CSMD1: variants seen among roughly 807,000 people sequenced by gnomAD.
CSMD1 encodes CUB and Sushi multiple domains 1, also known as CUB and sushi domain-containing protein 1.
In CSMD1, 213 loss-of-function variants were observed where a neutral mutation model predicts 417.5. That is an observed-to-expected ratio of 0.51 (90% confidence interval 0.46 to 0.57). The LOEUF (loss-of-function observed/expected upper bound fraction) is 0.57. Ranked by LOEUF, CSMD1 falls within the 20% of genes least tolerant of loss-of-function variation. CSMD1 has a pLI of 0.00. For synonymous variants in CSMD1, 2,862 were observed against 1,736.8 expected (o/e 1.65, Z -16.11); for missense variants, 6,923 against 4,529.7 (o/e 1.53, Z -15.17).
intron 5 of CSMD1, among the ~76,000 whole-genome samples, chr8:3,874,848 C>A (rs962472114): frequency 6.6e-6 from 1 of 152,016 alleles, no homozygotes; most frequent in Non-Finnish European, 1.5e-5. Context: ...GATGAATAAA[C>A]CCATTAAGAA....
chr8:4,048,439 A>G (rs1010526156), intron 3 of CSMD1, among the ~76,000 whole-genome samples: 1 of 152,168 alleles, frequency 6.6e-6, no homozygotes, highest in Non-Finnish European at 1.5e-5. Context: ...GAACTCTCCT[A>G]TTTTCCCAAC....
chr8:3,147,517 A>T (rs11136584), intron 40 of CSMD1, among the ~76,000 whole-genome samples: 1 of 152,074 alleles, frequency 6.6e-6, no homozygotes, highest in Non-Finnish European at 1.5e-5. Context: ...TTCATTTCCT[A>T]CTTCAGCTGG....
intron 1 of CSMD1, among the ~76,000 whole-genome samples, chr8:4,754,868 G>A (rs1247904022): frequency 5.3e-5 from 8 of 151,918 alleles, no homozygotes. Flanking sequence ...GATGAGTGTG[G>A]TGGTTCACAC....
Position 4,092,845 on chromosome 8 carries a change from G to A in CSMD1, c.416-60746C>T, listed in dbSNP as rs528271047. Among the ~76,000 whole-genome samples the A allele has an allele frequency of 8.5e-4, 130 of 152,068 alleles. 1 individual carries two copies. Among genetic ancestry groups the A allele is most frequent in the Non-Finnish European group, 1.2e-4 (8 of 67,990 alleles). On this transcript the variant is annotated intron_variant, in intron 3 of 69. Coordinates refer to ENST00000635120, the MANE Select transcript of CSMD1 (RefSeq NM_033225.6). ...TTGTTTTGATCAAAGCACTTTGCTG[G>A]TTGAATAATCATTATAAGTAGAATT...
rs577122741 is a variant in CSMD1, at chr8:4,281,675, C to G, written c.415+138278G>C. On this transcript the variant is annotated intron_variant, in intron 3 of 69. Coordinates refer to ENST00000635120, the MANE Select transcript of CSMD1 (RefSeq NM_033225.6). ...GACATATAATTCTATATAGTAACAT[C>G]TGTATGTGATAACATATACATACAA... Among the ~76,000 whole-genome samples the G allele has an allele frequency of 5.3e-4, 81 of 152,180 alleles. 1 individual carries two copies. In the South Asian group the frequency reaches 0.015, roughly 29 times the overall value.
intron 10 of CSMD1, among the ~76,000 whole-genome samples, chr8:3,516,429 G>A (rs550942341): frequency 1.2e-4 from 18 of 152,264 alleles, no homozygotes; most frequent in East Asian, 1.9e-4. Flanking sequence ...TTTCAAAATC[G>A]TCTAGCCAGG....
At chr8:3,230,257 C>T (rs375260265) in intron 26 of CSMD1, 26 bp from the exon 27 acceptor site, 1 of 1,526,596 alleles carries the variant, frequency 6.6e-7, no homozygotes, top group Non-Finnish European at 8.8e-7. Context: ...AAGGCAAGGT[C>T]ACAGGCTGGA....
intron 2 of CSMD1, among the ~76,000 whole-genome samples, chr8:4,448,680 G>C (rs928712981): frequency 2.6e-5 from 4 of 152,126 alleles, no homozygotes; most frequent in African/African-American, 9.7e-5. Context: ...CTTCTCAGTA[G>C]GAAAGGTCAT....
intron 1 of CSMD1, among the ~76,000 whole-genome samples, chr8:4,939,134 T>G (rs1347769205): frequency 6.6e-6 from 1 of 152,230 alleles, no homozygotes; most frequent in Admixed American, 6.5e-5. Flanking sequence ...CAGAAGCTTT[T>G]TAGTTTGATG....
intron 3 of CSMD1, among the ~76,000 whole-genome samples, chr8:4,244,722 C>A (rs546662739): frequency 6.6e-6 from 1 of 151,892 alleles, no homozygotes; most frequent in Admixed American, 6.6e-5. Flanking sequence ...ACTCAGTTAC[C>A]TCAATGGAAT....
At chr8:3,078,824 A>G (rs983911019) in intron 49 of CSMD1, among the ~76,000 whole-genome samples, 3 of 152,148 alleles carry the variant, frequency 2.0e-5, no homozygotes, top group Non-Finnish European at 4.4e-5. Context: ...TCTGCTTGAC[A>G]GCCAACCAAT....
chr8:4,261,114 G>C (rs1288568853), intron 3 of CSMD1, among the ~76,000 whole-genome samples: 3 of 152,156 alleles, frequency 2.0e-5, no homozygotes, highest in East Asian at 3.8e-4. Context: ...ATTTACACAT[G>C]TCTGTGTTTG....
intron 5 of CSMD1, among the ~76,000 whole-genome samples, chr8:3,913,420 T>A (rs932367538): frequency 9.2e-5 from 14 of 152,022 alleles, no homozygotes; most frequent in African/African-American, 2.7e-4. Context: ...CACTGGGATG[T>A]GTCCCAGAAG....
At position 3,258,937 on chromosome 8, in the gene CSMD1, C is replaced by T. The variant is rs115315486; in HGVS notation, c.4153+25207G>A. 7.5e-3 allele frequency among the ~76,000 whole-genome samples: 1,142 copies of T among 152,188 alleles called. 10 individuals carry two copies. The highest frequency in any genetic ancestry group is 0.026 in the African/African-American group (1,089 of 41,530). Reference sequence around the variant, plus strand: ...AGGGGAACAATAGACACTGCGGTCTCCCGGATGGTGGAAAGTGAGAAAAGG... The same window carrying T: ...AGGGGAACAATAGACACTGCGGTCTTCCGGATGGTGGAAAGTGAGAAAAGG... On this transcript the variant is annotated intron_variant, in intron 26 of 69. Coordinates refer to ENST00000635120, the MANE Select transcript of CSMD1 (RefSeq NM_033225.6).
At chr8:4,042,754 G>C (rs7016290) in intron 3 of CSMD1, among the ~76,000 whole-genome samples, 33,364 of 142,310 alleles carry the variant, frequency 0.23, 4,039 homozygotes, top group Middle Eastern at 0.31. Context: ...GGCTGGGTAA[G>C]AAGAAAGGAG....
At chr8:4,314,038 A>T (rs1798780434) in intron 3 of CSMD1, among the ~76,000 whole-genome samples, 1 of 150,794 alleles carries the variant, frequency 6.6e-6, no homozygotes, top group Non-Finnish European at 1.5e-5. Flanking sequence ...AATAATAATG[A>T]TAATAATAAT....
At chr8:4,650,837 G>C (rs939848668) in intron 1 of CSMD1, among the ~76,000 whole-genome samples, 1 of 152,164 alleles carries the variant, frequency 6.6e-6, no homozygotes, top group Non-Finnish European at 1.5e-5. Context: ...TTGTAGAGTA[G>C]AAAGCAGAAA....
At chr8:3,797,097 G>A (rs775347418) in intron 5 of CSMD1, among the ~76,000 whole-genome samples, 14 of 151,798 alleles carry the variant, frequency 9.2e-5, no homozygotes, top group Non-Finnish European at 1.8e-4. Flanking sequence ...TTTAATGGGT[G>A]AACATTTAAA....
In CSMD1 at chr8:2,955,581, T is replaced by C; in HGVS notation, c.9994+8A>G. 2 of 1,613,122 alleles carry C rather than the reference T, an allele frequency of 1.2e-6. No homozygotes were observed. The highest frequency in any genetic ancestry group is 1.7e-6 in the Non-Finnish European group (2 of 1,179,354). The stretch of plus-strand genomic sequence containing the variant: ...GAAAAGTATGCCACTCCTTGATCAA[T>C]GACTTACTTTTACACACAGGCGACT... On this transcript the variant is annotated splice_region_variant and intron_variant, in intron 64 of 69. Coordinates refer to ENST00000635120, the MANE Select transcript of CSMD1 (RefSeq NM_033225.6).
Sources: allele counts gnomAD v4.1 joint callset (sites outside exome capture counted in the v4.1 genomes callset), GRCh38; gene constraint gnomAD v4.1.1; transcripts MANE v1.5; gene names NCBI Gene and HGNC (gene_info 2026-07-23, HGNC 2026-07-21).